COL11A1: variants seen among roughly 807,000 people sequenced by gnomAD.
COL11A1 encodes collagen type XI alpha 1 chain.
Under a neutral mutation model 265.2 loss-of-function variants are expected in COL11A1, and 74 were observed. That is an observed-to-expected ratio of 0.28 (90% CI 0.23 to 0.34). The LOEUF is 0.34. COL11A1 is among the 10% of genes least tolerant of loss of function. The probability of loss-of-function intolerance (pLI) is 1.00; values close to 1 mark genes in which losing one functional copy is unlikely to be tolerated. For missense variants in COL11A1, 2,165 were observed against 2,263.6 expected, an observed-to-expected ratio of 0.96 and a Z score of 0.88; for synonymous variants, 816 against 727.6, an observed-to-expected ratio of 1.12 and a Z score of -1.96.
intron 22 of COL11A1, 99 bp from the exon 23 acceptor site, chr1:103,002,580 T>A: frequency 8.4e-7 from 1 of 1,183,700 alleles, no homozygotes; most frequent in Non-Finnish European, 1.2e-6. Context: ...CCTCAAACAG[T>A]TTTCCCTCAT....
At chr1:102,958,020 A>T (rs907490251) in intron 41 of COL11A1, among the ~76,000 whole-genome samples, 1 of 152,044 alleles carries the variant, frequency 6.6e-6, no homozygotes, top group African/African-American at 2.4e-5. Context: ...TTTTTCCTTA[A>T]TACAAATAAC....
chr1:103,047,510 C>A (rs552795103), intron 4 of COL11A1, among the ~76,000 whole-genome samples: 1 of 152,096 alleles, frequency 6.6e-6, no homozygotes, highest in African/African-American at 2.4e-5. Context: ...TGGGCTGAGA[C>A]GATGGGGTTT....
intron 31 of COL11A1, among the ~76,000 whole-genome samples, chr1:102,981,451 A>G (rs1159336029): frequency 2.0e-5 from 3 of 152,104 alleles, no homozygotes; most frequent in East Asian, 1.9e-4. Flanking sequence ...CAGCATATTT[A>G]TAGATACTTC....
rs116055989 is a variant in COL11A1 at position 102,901,425 on chromosome 1, A to C, written c.4087-2431T>G. On this transcript the variant is annotated intron_variant, in intron 54 of 66. Coordinates refer to ENST00000370096, the MANE Select transcript of COL11A1 (RefSeq NM_001854.4). ...TGACACTGCAACAAGGCCCTTGCAA[A>C]ATGTGGCCACTCAATCTTGGATGTC... Among the ~76,000 whole-genome samples the C allele has an allele frequency of 2.4e-3, 370 of 152,168 alleles. 2 individuals carry two copies. The highest frequency in any genetic ancestry group is 8.4e-3 in the African/African-American group (350 of 41,522).
Position 102,946,953 on chromosome 1 carries a change from A to T in COL11A1, c.3172T>A (p.Ser1058Thr). Residue 1058 changes from serine (S) to threonine (T), a missense_variant, in exon 42 of 67, where the codon TCA becomes ACA. Physicochemically the swap from Ser to Thr is moderately conservative, Grantham distance 58. Transcript: ENST00000370096. ...CCTGCTGACCCACGTTCTCCTGGTG[A>T]GCCCTAGTATACAGGAAAAGAAGTA... ...GPQGPPGPVG[S>T]PGERGSAGTA... 2 of 1,611,278 alleles carry T rather than the reference A, an allele frequency of 1.2e-6. No homozygotes were observed. The highest frequency in any genetic ancestry group is 8.5e-7 in the Non-Finnish European group (1 of 1,178,570).
chr1:102,938,988 A>G (rs1658437405), intron 44 of COL11A1, 47 bp downstream of exon 44: 5 of 1,538,646 alleles, frequency 3.2e-6, no homozygotes, highest in Non-Finnish European at 3.6e-6. Context: ...AAACAGTAAA[A>G]GTTGTTAAAT....
chr1:102,977,718 T>C (rs890162671), intron 35 of COL11A1, among the ~76,000 whole-genome samples: 12 of 152,172 alleles, frequency 7.9e-5, no homozygotes, highest in Non-Finnish European at 1.6e-4. Context: ...ATGTATTATT[T>C]ATGAGCTCAA....
At position 103,075,951 on chromosome 1, in the gene COL11A1, C is replaced by T. The variant is rs115709686; in HGVS notation, c.489-1171G>A. Among the ~76,000 whole-genome samples the T allele has an allele frequency of 3.1e-3, 477 of 152,214 alleles. 3 individuals carry two copies. Among genetic ancestry groups the T allele is most frequent in the African/African-American group, 0.011 (458 of 41,546 alleles). On this transcript the variant is annotated intron_variant, in intron 3 of 66. Coordinates refer to ENST00000370096, the MANE Select transcript of COL11A1 (RefSeq NM_001854.4). ...CTTAATATAGTGAGAGTAAAATTTA[C>T]ACATACTTCATGCCAAGAAATCTGG...
At chr1:103,057,138 G>A (rs1670311839) in intron 4 of COL11A1, among the ~76,000 whole-genome samples, 1 of 152,058 alleles carries the variant, frequency 6.6e-6, no homozygotes, top group Admixed American at 6.5e-5. Context: ...TTCCAAAACT[G>A]GAGTATTTTC....
intron 65 of COL11A1, 101 bp from the exon 66 acceptor site, chr1:102,880,017 T>G (rs977187999): frequency 1.2e-6 from 1 of 812,208 alleles, no homozygotes; most frequent in Non-Finnish European, 2.1e-6. Context: ...GCCAGAAGCA[T>G]GTAGATGAAT....
At position 102,877,877 on chromosome 1, in the gene COL11A1, G is replaced by T. The variant is rs896995465; in HGVS notation, c.*142C>A. The T allele has an allele frequency of 5.2e-6, 4 of 766,314 alleles. No individual in the cohort carries two copies. Among genetic ancestry groups the T allele is most frequent in the Non-Finnish European group, 8.9e-6 (4 of 448,850 alleles). The allele number at this position is 766,314 out of a possible 1,614,324, so 47.5% of individuals were successfully genotyped here. A position where few individuals can be genotyped will look rare whatever the true frequency, so the allele number is the denominator to read the frequency against. ...GCCATGTGATTCTGCCCCCACAAAGGCATCGGTATTTCCTAAATGGTACCT... is the reference window on the plus strand; with the variant it reads ...GCCATGTGATTCTGCCCCCACAAAGTCATCGGTATTTCCTAAATGGTACCT... On this transcript the variant is annotated 3_prime_UTR_variant, in exon 67 of 67. Transcript: ENST00000370096.
intron 4 of COL11A1, among the ~76,000 whole-genome samples, chr1:103,054,595 A>T (rs569517611): frequency 6.7e-6 from 1 of 149,280 alleles, no homozygotes; most frequent in African/African-American, 2.4e-5. Flanking sequence ...TGTTGTTTCT[A>T]AAAAAAAGAA....
intron 38 of COL11A1, 65 bp downstream of exon 38, chr1:102,965,422 C>G: frequency 2.2e-6 from 3 of 1,392,718 alleles, no homozygotes; most frequent in Non-Finnish European, 3.1e-6. Flanking sequence ...TTTTACACAA[C>G]TTAGGAAGGT....
At chr1:103,002,885 C>A (rs897434080) in intron 21 of COL11A1, 94 bp from the exon 22 acceptor site, 1 of 1,126,618 alleles carries the variant, frequency 8.9e-7, no homozygotes, top group Admixed American at 1.9e-5. Flanking sequence ...ATATTCACTA[C>A]CCTAAGCAAC....
intron 4 of COL11A1, among the ~76,000 whole-genome samples, chr1:103,067,225 G>T (rs1465025017): frequency 2.0e-5 from 3 of 151,868 alleles, no homozygotes; most frequent in Admixed American, 6.6e-5. Flanking sequence ...CATTAACTGA[G>T]ATAGACTACA....
intron 41 of COL11A1, among the ~76,000 whole-genome samples, chr1:102,954,814 A>C (rs528544387): frequency 9.3e-4 from 140 of 151,140 alleles, no homozygotes; most frequent in Middle Eastern, 6.8e-3. Flanking sequence ...ACTGCATTCC[A>C]GACTGGGCGA....
chr1:103,037,866 G>A (rs1215939457), intron 4 of COL11A1, among the ~76,000 whole-genome samples: 1 of 151,994 alleles, frequency 6.6e-6, no homozygotes, highest in Non-Finnish European at 1.5e-5. Context: ...TTGAACTACA[G>A]AAATATCTAA....
At chr1:103,070,265 T>C (rs1049248317) in intron 4 of COL11A1, among the ~76,000 whole-genome samples, 5 of 150,214 alleles carry the variant, frequency 3.3e-5, no homozygotes, top group Admixed American at 1.3e-4. Flanking sequence ...CATGGGTAAT[T>C]CTTAAGATCA....
At chr1:102,905,486 C>A (rs552471244) in intron 54 of COL11A1, among the ~76,000 whole-genome samples, 92 of 148,172 alleles carry the variant, frequency 6.2e-4, no homozygotes, top group African/African-American at 2.1e-3. Flanking sequence ...TTTATTTGTA[C>A]CCTGAGTTGC....
Sources: gnomAD v4.1 joint callset for allele counts (sites outside exome capture counted in the v4.1 genomes callset) on GRCh38, gnomAD v4.1.1 for gene constraint, MANE v1.5 for transcripts, NCBI Gene and HGNC (gene_info 2026-07-23, HGNC 2026-07-21) for gene names.